RGS7: variants seen among roughly 807,000 people sequenced by gnomAD.
RGS7 encodes the protein regulator of G-protein signaling 7.
In RGS7, 27 loss-of-function variants were observed where a neutral mutation model predicts 81.1. The observed-to-expected ratio is 0.33, with a 90% CI of 0.25 to 0.46. The LOEUF is 0.46. RGS7 is among the 20% of genes least tolerant of loss of function. The pLI, the probability that RGS7 is intolerant of heterozygous loss-of-function variation, is 1.00. For synonymous variants in RGS7, 208 were observed against 207.7 expected (o/e 1.00, Z -0.01); for missense variants, 396 against 607.4 (o/e 0.65, Z 3.66).
intron 4 of RGS7, among the ~76,000 whole-genome samples, chr1:240,968,030 C>T (rs1370396252): frequency 6.6e-6 from 1 of 152,188 alleles, no homozygotes; most frequent in Admixed American, 6.5e-5. Context: ...TCCAAACAAC[C>T]AATATCCAAT....
chr1:240,866,785 T>C (rs555741243), intron 9 of RGS7, among the ~76,000 whole-genome samples: 72 of 152,126 alleles, frequency 4.7e-4, no homozygotes, highest in African/African-American at 1.7e-3. Context: ...CAGGGGAGTG[T>C]TTGAGGTGGG....
intron 2 of RGS7, among the ~76,000 whole-genome samples, chr1:241,122,287 T>C (rs981595173): frequency 6.6e-6 from 1 of 152,220 alleles, no homozygotes; most frequent in Non-Finnish European, 1.5e-5. Context: ...TCTGGATGCC[T>C]AGTGTGTACC....
chr1:241,112,538 G>A (rs1418266511), intron 2 of RGS7, among the ~76,000 whole-genome samples: 1 of 152,194 alleles, frequency 6.6e-6, no homozygotes, highest in Non-Finnish European at 1.5e-5. Flanking sequence ...TATTTCAGGT[G>A]TACACACTAA....
At chr1:241,218,074 T>C (rs1423593147) in intron 2 of RGS7, among the ~76,000 whole-genome samples, 1 of 152,212 alleles carries the variant, frequency 6.6e-6, no homozygotes, top group Non-Finnish European at 1.5e-5. Flanking sequence ...GATATGTGTG[T>C]GTGTGTATAA....
chr1:241,106,781 C>CACACAT (rs1311029724), intron 2 of RGS7, among the ~76,000 whole-genome samples: 32 of 148,722 alleles, frequency 2.2e-4, no homozygotes, highest in African/African-American at 7.2e-4. Context: ...CACACACACA[C>CACACAT]ACGATAACAT....
intron 18 of RGS7, among the ~76,000 whole-genome samples, chr1:240,794,611 C>T (rs1686670397): frequency 6.6e-6 from 1 of 152,128 alleles, no homozygotes; most frequent in South Asian, 2.1e-4. Context: ...AGTGTTCAGC[C>T]AGGAGGGACA....
At chr1:240,943,735 G>C (rs572537288) in intron 4 of RGS7, among the ~76,000 whole-genome samples, 1 of 152,268 alleles carries the variant, frequency 6.6e-6, no homozygotes, top group South Asian at 2.1e-4. Flanking sequence ...GATAGCCACA[G>C]ATTTCCAAAG....
intron 2 of RGS7, among the ~76,000 whole-genome samples, chr1:241,230,917 C>G (rs1293567974): frequency 6.6e-6 from 1 of 152,170 alleles, no homozygotes; most frequent in Non-Finnish European, 1.5e-5. Flanking sequence ...TAGTGGACAT[C>G]AAGATGCAAG....
intron 2 of RGS7, among the ~76,000 whole-genome samples, chr1:241,139,984 G>A (rs775301587): frequency 6.6e-6 from 1 of 152,134 alleles, no homozygotes; most frequent in African/African-American, 2.4e-5. Flanking sequence ...CTGTTTCTGT[G>A]TGCTACCCCT....
chr1:240,977,429 C>T (rs978911201), intron 4 of RGS7, among the ~76,000 whole-genome samples: 1 of 152,158 alleles, frequency 6.6e-6, no homozygotes. Context: ...CACAAACACA[C>T]ACACGTAAAT....
intron 4 of RGS7, among the ~76,000 whole-genome samples, chr1:240,944,563 G>A (rs1397352874): frequency 6.6e-6 from 1 of 151,910 alleles, no homozygotes; most frequent in Non-Finnish European, 1.5e-5. Flanking sequence ...GTAGGCAGAG[G>A]AGTTTCTACA....
At chr1:241,281,140 T>C (rs1438854355) in intron 2 of RGS7, among the ~76,000 whole-genome samples, 2 of 152,276 alleles carry the variant, frequency 1.3e-5, no homozygotes, top group East Asian at 3.9e-4. Context: ...CCATAAAATA[T>C]ACACAAGTCT....
At chr1:240,800,972 A>G (rs1687929451) in intron 17 of RGS7, among the ~76,000 whole-genome samples, 1 of 152,110 alleles carries the variant, frequency 6.6e-6, no homozygotes, top group Non-Finnish European at 1.5e-5. Context: ...GGTGGGGCAT[A>G]TCTTGTCACC....
At chr1:241,088,555 C>A (rs1027535735) in intron 3 of RGS7, among the ~76,000 whole-genome samples, 1 of 152,066 alleles carries the variant, frequency 6.6e-6, no homozygotes, top group Admixed American at 6.6e-5. Context: ...ACAATTACCC[C>A]CTGATTGACG....
At chr1:240,862,785 G>A (rs1206040844) in intron 9 of RGS7, among the ~76,000 whole-genome samples, 3 of 152,104 alleles carry the variant, frequency 2.0e-5, no homozygotes, top group Admixed American at 2.0e-4. Flanking sequence ...TTATTCTAAT[G>A]GGAATATCAA....
chr1:241,318,893 T>C (rs1226836453), intron 2 of RGS7, among the ~76,000 whole-genome samples: 2 of 152,232 alleles, frequency 1.3e-5, no homozygotes, highest in Admixed American at 6.5e-5. Context: ...AAAGGCTTCC[T>C]GGACTTAGCC....
intron 6 of RGS7, among the ~76,000 whole-genome samples, chr1:240,898,552 T>C (rs1424053071): frequency 1.3e-5 from 2 of 152,228 alleles, no homozygotes; most frequent in Non-Finnish European, 2.9e-5. Flanking sequence ...CCAGTAGTCA[T>C]TCAGGAGCAG....
chr1:241,148,367 C>T (rs561058305), intron 2 of RGS7, among the ~76,000 whole-genome samples: 1 of 152,170 alleles, frequency 6.6e-6, no homozygotes, highest in East Asian at 1.9e-4. Flanking sequence ...TTTCTATTGA[C>T]TTCATTTCTA....
At chr1:240,998,082 G>A (rs186202686) in intron 3 of RGS7, among the ~76,000 whole-genome samples, 47 of 152,210 alleles carry the variant, frequency 3.1e-4, no homozygotes, top group African/African-American at 9.9e-4. Flanking sequence ...AGAGGATTAC[G>A]GATTGACAGT....
Sources: allele counts gnomAD v4.1 joint callset (sites outside exome capture counted in the v4.1 genomes callset), GRCh38; gene constraint gnomAD v4.1.1; transcripts MANE v1.5; gene names NCBI Gene and HGNC (gene_info 2026-07-23, HGNC 2026-07-21).